ARSB: variants seen among roughly 807,000 people sequenced by gnomAD.
The protein encoded by ARSB is N-acetylgalactosamine-4-sulfatase.
In ARSB, 41 loss-of-function variants were observed where a neutral mutation model predicts 50.9. The observed-to-expected ratio is 0.81, with a 90% CI of 0.63 to 1.04. The LOEUF (loss-of-function observed/expected upper bound fraction) is 1.04. ARSB is among the 50% of genes least tolerant of loss of function. The pLI is 0.00. For synonymous variants in ARSB, 269 were observed against 284.8 expected (o/e 0.94, Z 0.56); for missense variants, 672 against 693.3 (o/e 0.97, Z 0.35).
intron 6 of ARSB, among the ~76,000 whole-genome samples, chr5:78,809,224 A>G (rs1019903345): frequency 1.3e-5 from 2 of 152,298 alleles, no homozygotes; most frequent in African/African-American, 2.4e-5. Flanking sequence ...TCAGTATGCA[A>G]TCCTGCCAGG....
At chr5:78,811,474 A>C (rs1743802968) in intron 6 of ARSB, among the ~76,000 whole-genome samples, 1 of 152,222 alleles carries the variant, frequency 6.6e-6, no homozygotes, top group Non-Finnish European at 1.5e-5. Context: ...TTCAGCTCTG[A>C]TATGAGGATT....
chr5:78,952,918 G>A (rs2112476002), intron 4 of ARSB, among the ~76,000 whole-genome samples: 1 of 152,214 alleles, frequency 6.6e-6, no homozygotes, highest in South Asian at 2.1e-4. Flanking sequence ...ACATGTCCTA[G>A]CATCTTTTTT....
Position 78,959,157 on chromosome 5 carries a change from G to T in ARSB, c.691-3655C>A, listed in dbSNP as rs765023749. ...TTGACAGTGAATAAGTTCTCACAAG[G>T]TCTGCTGGTTTTATAAGGCGCTTTT... On this transcript the variant is annotated intron_variant, in intron 3 of 7. Transcript: ENST00000264914. 6.2e-4 allele frequency among the ~76,000 whole-genome samples: 94 copies of T among 152,088 alleles called. 2 individuals are homozygous for T. Among genetic ancestry groups the T allele is most frequent in the Non-Finnish European group, 5.0e-4 (34 of 68,014 alleles).
chr5:78,818,703 C>T (rs955308264), intron 6 of ARSB, among the ~76,000 whole-genome samples: 15 of 149,800 alleles, frequency 1.0e-4, no homozygotes, highest in African/African-American at 1.7e-4. Context: ...CTGCAAGCTC[C>T]GCCTCCTGGG....
chr5:78,817,774 A>G (rs1311154026), intron 6 of ARSB, among the ~76,000 whole-genome samples: 1 of 152,056 alleles, frequency 6.6e-6, no homozygotes, highest in Non-Finnish European at 1.5e-5. Flanking sequence ...ACGCCACTGT[A>G]CTCCAGCCTG....
chr5:78,854,931 A>G (rs762810293), intron 5 of ARSB, among the ~76,000 whole-genome samples: 6 of 152,086 alleles, frequency 3.9e-5, no homozygotes, highest in South Asian at 2.1e-4. Context: ...AGGTTTCTGC[A>G]GAGAAATATG....
At chr5:78,876,039 T>C (rs943201153) in intron 5 of ARSB, among the ~76,000 whole-genome samples, 1 of 152,188 alleles carries the variant, frequency 6.6e-6, no homozygotes, top group South Asian at 2.1e-4. Context: ...GAACTCACCA[T>C]TTATGTACCT....
intron 6 of ARSB, among the ~76,000 whole-genome samples, chr5:78,826,678 T>G (rs1354236442): frequency 6.6e-6 from 1 of 152,186 alleles, no homozygotes. Context: ...GGTTCAAAAC[T>G]GCTTCTGTGA....
intron 4 of ARSB, among the ~76,000 whole-genome samples, chr5:78,905,241 T>G: frequency 6.6e-6 from 1 of 152,192 alleles, no homozygotes; most frequent in Admixed American, 6.5e-5. Context: ...TTAAAGTTTT[T>G]GTCTGACAAC....
At chr5:78,792,334 G>T (rs547353131) in intron 6 of ARSB, among the ~76,000 whole-genome samples, 1 of 150,474 alleles carries the variant, frequency 6.6e-6, no homozygotes. Flanking sequence ...AGCCGAGATC[G>T]CATCACTGTA....
At chr5:78,929,228 T>C (rs1341188590) in intron 4 of ARSB, among the ~76,000 whole-genome samples, 1 of 152,226 alleles carries the variant, frequency 6.6e-6, no homozygotes, top group East Asian at 1.9e-4. Context: ...TGCTAGGCAT[T>C]GTGCTAGACT....
chr5:78,923,299 C>T (rs1003345374), intron 4 of ARSB, among the ~76,000 whole-genome samples: 12 of 152,166 alleles, frequency 7.9e-5, no homozygotes, highest in Admixed American at 2.6e-4. Context: ...TAAGTGTGGC[C>T]CCATGGGCAC....
intron 6 of ARSB, among the ~76,000 whole-genome samples, chr5:78,784,300 GC>G (rs1024641486): frequency 3.3e-5 from 5 of 152,170 alleles, no homozygotes; most frequent in African/African-American, 1.2e-4. Context: ...ACCATACAGT[GC>G]AGTAATCCCA....
At chr5:78,983,274 G>A (rs952133617) in intron 1 of ARSB, among the ~76,000 whole-genome samples, 3 of 152,086 alleles carry the variant, frequency 2.0e-5, no homozygotes, top group Admixed American at 6.5e-5. Context: ...GGCTGGTCTC[G>A]AACTCCTGAC....
rs185100022 is a variant in ARSB at position 78,801,514 on chromosome 5, T to C, written c.1214-19540A>G. Among the ~76,000 whole-genome samples the C allele has an allele frequency of 2.8e-4, 42 of 152,258 alleles. No individual in the cohort carries two copies. In the East Asian group the frequency reaches 8.1e-3, roughly 29 times the overall value. The stretch of plus-strand genomic sequence containing the variant: ...TGACATTAGCAATTGAACGTGTAGG[T>C]TTAGAAGTGCTGATGGATTTGCCAC... On this transcript the variant is annotated intron_variant, in intron 6 of 7. Coordinates refer to ENST00000264914, the MANE Select transcript of ARSB (RefSeq NM_000046.5).
chr5:78,784,768 T>C (rs1195166468), intron 6 of ARSB, among the ~76,000 whole-genome samples: 1 of 151,992 alleles, frequency 6.6e-6, no homozygotes, highest in Non-Finnish European at 1.5e-5. Context: ...CCAAGATACG[T>C]TTTGCTAGTG....
chr5:78,851,095 C>T lies in ARSB; in HGVS notation c.1143-11669G>A, dbSNP rs1025206168. Among the ~76,000 whole-genome samples the T allele has an allele frequency of 2.0e-5, 3 of 152,180 alleles. No individual in the cohort carries two copies. The South Asian group carries it at 6.2e-4, about 32-fold the overall frequency. On this transcript the variant is annotated intron_variant, in intron 5 of 7. Coordinates refer to ENST00000264914, the MANE Select transcript of ARSB (RefSeq NM_000046.5). ...TCTGATCTTAGTTATTTCTTGCCTT[C>T]TGCTAGCTTTTGAATGTGTTTGCTC...
At chr5:78,846,662 GGT>G (rs573008282) in intron 5 of ARSB, among the ~76,000 whole-genome samples, 2 of 152,122 alleles carry the variant, frequency 1.3e-5, no homozygotes, top group Admixed American at 1.3e-4. Context: ...GAGCTTTTAG[GGT>G]TTTCTGTATA....
Position 78,780,185 on chromosome 5 carries a change from T to C in ARSB, c.*212A>G, listed in dbSNP as rs561718720. On this transcript the variant is annotated 3_prime_UTR_variant, in exon 8 of 8. Transcript: ENST00000264914. ...GGGGATAAACCCAGCCACCCCCACC[T>C]CTAGACACATGCTCCAGCCAACAGC... The C allele has an allele frequency of 1.0e-3, 661 of 633,042 alleles. 7 individuals carry two copies. The highest frequency in any genetic ancestry group is 8.2e-3 in the South Asian group (436 of 52,978). The allele number at this position is 633,042 out of a possible 1,614,324, so 39.2% of individuals were successfully genotyped here.
Sources: allele counts gnomAD v4.1 joint callset (sites outside exome capture counted in the v4.1 genomes callset), GRCh38; gene constraint gnomAD v4.1.1; transcripts MANE v1.5; gene names NCBI Gene and HGNC (gene_info 2026-07-23, HGNC 2026-07-21).